COL8A2: variants seen among roughly 807,000 people sequenced by gnomAD.
COL8A2 encodes collagen alpha-2(VIII) chain.
COL8A2 carries 16 observed loss-of-function variants against 24.0 expected under a neutral mutation model. That is an observed-to-expected ratio of 0.67 (90% CI 0.45 to 1.01). The LOEUF (loss-of-function observed/expected upper bound fraction) is 1.01, where lower values mean the gene tolerates loss of function less well. Ranked by LOEUF, COL8A2 falls within the 50% of genes least tolerant of loss-of-function variation. The probability of loss-of-function intolerance (pLI) is 0.00; values close to 1 mark genes in which losing one functional copy is unlikely to be tolerated. For synonymous variants in COL8A2, 466 were observed against 424.5 expected (o/e 1.10, Z -1.20); for missense variants, 818 against 942.4 (o/e 0.87, Z 1.73).
intron 2 of COL8A2, among the ~76,000 whole-genome samples, chr1:36,105,913 C>T (rs886169467): frequency 2.0e-5 from 3 of 149,068 alleles, no homozygotes; most frequent in Non-Finnish European, 4.4e-5. Flanking sequence ...TGTGCCACTG[C>T]ACTCCAGCCT....
At chr1:36,101,095 T>C (rs1013678682) in intron 2 of COL8A2, among the ~76,000 whole-genome samples, 1 of 152,076 alleles carries the variant, frequency 6.6e-6, no homozygotes, top group African/African-American at 2.4e-5. Context: ...AGTTTCGCCA[T>C]GTTGGCCAGG....
chr1:36,117,060 C>T lies in COL8A2; in HGVS notation c.-61-1308G>A, dbSNP rs370347121. ...CCAGCCCACCTGGCAGGGAGGCCTG[C>T]AGGCCGCGTCACTCTCTCCCCCAGC... On this transcript the variant is annotated intron_variant, in intron 1 of 3. Coordinates refer to ENST00000397799, the MANE Select transcript of COL8A2 (RefSeq NM_005202.4). Among the ~76,000 whole-genome samples the T allele has an allele frequency of 1.1e-4, 16 of 152,368 alleles. No individual in the cohort carries two copies. In the East Asian group the frequency reaches 1.5e-3, roughly 15 times the overall value.
chr1:36,117,788 G>C (rs1430553355), intron 1 of COL8A2, among the ~76,000 whole-genome samples: 1 of 151,800 alleles, frequency 6.6e-6, no homozygotes, highest in African/African-American at 2.4e-5. Context: ...ACTTTGGGAG[G>C]CCAAGGCAGG....
At chr1:36,116,727 G>T (rs898373464) in intron 1 of COL8A2, among the ~76,000 whole-genome samples, 14 of 152,224 alleles carry the variant, frequency 9.2e-5, no homozygotes, top group Admixed American at 3.9e-4. Flanking sequence ...AGGAATTTCA[G>T]GTAGTAATAT....
chr1:36,113,262 T>A lies in COL8A2; in HGVS notation c.-17+2446A>T, dbSNP rs536720048. Among the ~76,000 whole-genome samples, 4 of 152,288 alleles carry A rather than the reference T, an allele frequency of 2.6e-5. No homozygotes were observed. In the East Asian group the frequency reaches 7.7e-4, roughly 29 times the overall value. On this transcript the variant is annotated intron_variant, in intron 2 of 3. Transcript: ENST00000397799. ...CTTTGCCTCCTGTGTGTCTCTGACA[T>A]CTCTGTCTCTGTGCGTCTCTCTCAT...
chr1:36,109,688 A>C (rs1643811862), intron 2 of COL8A2, among the ~76,000 whole-genome samples: 1 of 149,768 alleles, frequency 6.7e-6, no homozygotes, highest in Non-Finnish European at 1.5e-5. Context: ...TCCTGCCTCA[A>C]CCTCCTGAAT....
In COL8A2 at chr1:36,123,771, G is replaced by A. The variant is rs1324993311; in HGVS notation, c.-62+1286C>T. 6.6e-6 allele frequency among the ~76,000 whole-genome samples: 1 copy of A among 152,148 alleles called. No individual in the cohort carries two copies. The highest frequency in any genetic ancestry group is 2.4e-5 in the African/African-American group (1 of 41,424). Reference sequence around the variant, plus strand: ...AGGGTGCAAGGCTGTGTGTGGCTGGGTGAGCATGTCTGTGGTTTCTCCTCA... The same window carrying A: ...AGGGTGCAAGGCTGTGTGTGGCTGGATGAGCATGTCTGTGGTTTCTCCTCA... On this transcript the variant is annotated intron_variant, in intron 1 of 3. Transcript: ENST00000397799. This position sits in a 1 kb window ranked among gnomAD's most constrained non-coding sequence, Gnocchi z 4.1.
Position 36,099,253 on chromosome 1 carries a change from C to CG in COL8A2, c.427dup (p.Arg143ProfsTer59). 1 of 1,548,668 alleles carries CG rather than the reference C, an allele frequency of 6.5e-7. No individual in the cohort carries two copies. The highest frequency in any genetic ancestry group is 8.7e-7 in the Non-Finnish European group (1 of 1,146,474). ...GTCCCCTCGTATTCCTGGCTCCCCC[C>CG]GAAGCCCCGGCTGCCCTGGTGGCCC... On this transcript the variant is annotated frameshift_variant, in exon 4 of 4. Coordinates refer to ENST00000397799, the MANE Select transcript of COL8A2 (RefSeq NM_005202.4). LOFTEE classifies it low-confidence loss of function (END_TRUNC).
Position 36,123,495 on chromosome 1 carries a change from G to A in COL8A2, c.-62+1562C>T, listed in dbSNP as rs1643929144. Among the ~76,000 whole-genome samples, 1 of 152,176 alleles carries A rather than the reference G, an allele frequency of 6.6e-6. No individual in the cohort carries two copies. The highest frequency in any genetic ancestry group is 6.6e-5 in the Admixed American group (1 of 15,266). The stretch of plus-strand genomic sequence containing the variant: ...GAGCGGAAATTCTCATTTTCACTGT[G>A]GTAGACGAAGTGAAACCAGAGAAAG... On this transcript the variant is annotated intron_variant, in intron 1 of 3. Transcript: ENST00000397799. The surrounding 1 kb of genome is among the most constrained non-coding windows in gnomAD (Gnocchi z 4.1).
intron 2 of COL8A2, among the ~76,000 whole-genome samples, chr1:36,112,312 T>G (rs944522959): frequency 6.6e-6 from 1 of 152,148 alleles, no homozygotes; most frequent in African/African-American, 2.4e-5. Context: ...CTATTTTTGT[T>G]TTAAGGGTGA....
intron 1 of COL8A2, among the ~76,000 whole-genome samples, chr1:36,120,022 A>G (rs530791793): frequency 6.6e-6 from 1 of 152,084 alleles, no homozygotes; most frequent in Non-Finnish European, 1.5e-5. Flanking sequence ...CCCTTGCAGG[A>G]CCCACCAGGG....
chr1:36,098,835 G>A lies in COL8A2; in HGVS notation c.846C>T (p.Val282=). 13 of 1,612,132 alleles carry A rather than the reference G, an allele frequency of 8.1e-6. No individual in the cohort carries two copies. Among genetic ancestry groups the A allele is most frequent in the Non-Finnish European group, 1.1e-5 (13 of 1,179,686 alleles). The change falls in exon 4 of 4, where the codon GTC becomes GTT. Residue 282 remains valine, a synonymous_variant. Coordinates refer to ENST00000397799, the MANE Select transcript of COL8A2 (RefSeq NM_005202.4). The part of the protein sequence containing the change: ...KGPPGVDGVG[V]PGAAGLPGPQ... ...GTCCTGGCAACCCTGCTGCCCCTGG[G>A]ACTCCCACACCGTCTACTCCAGGAG...
intron 2 of COL8A2, among the ~76,000 whole-genome samples, chr1:36,101,597 A>C (rs1304342322): frequency 6.6e-6 from 1 of 152,228 alleles, no homozygotes; most frequent in Middle Eastern, 3.2e-3. Flanking sequence ...CTCCTCATCC[A>C]TGAAATGAGA....
intron 1 of COL8A2, among the ~76,000 whole-genome samples, chr1:36,122,323 T>C (rs274129): frequency 0.025 from 3,806 of 152,266 alleles, 177 homozygotes; most frequent in African/African-American, 0.086. Flanking sequence ...ACACAGCACA[T>C]GCTGCCTTAC....
In COL8A2 at chr1:36,109,759, G is replaced by A. The variant is rs955532834; in HGVS notation, c.-17+5949C>T. On this transcript the variant is annotated intron_variant, in intron 2 of 3. Coordinates refer to ENST00000397799, the MANE Select transcript of COL8A2 (RefSeq NM_005202.4). Reference sequence around the variant, plus strand: ...TAATTTTTGTATTTTTAGTAGAGACGGGGTTTCTACTAAACGGGGTTTCTA... The same window carrying A: ...TAATTTTTGTATTTTTAGTAGAGACAGGGTTTCTACTAAACGGGGTTTCTA... Among the ~76,000 whole-genome samples the A allele has an allele frequency of 1.5e-4, 23 of 150,692 alleles. 1 individual carries two copies. The highest frequency in any genetic ancestry group is 3.9e-4 in the East Asian group (2 of 5,092).
rs915817846 is a variant in COL8A2, at chr1:36,096,626, T to G, written c.*943A>C. 2.6e-5 allele frequency: 4 copies of G among 152,220 alleles called. No individual in the cohort carries two copies. Among genetic ancestry groups the G allele is most frequent in the South Asian group, 2.1e-4 (1 of 4,824 alleles). The allele number at this position is 152,220 out of a possible 1,614,324, so 9.4% of individuals were successfully genotyped here. On this transcript the variant is annotated 3_prime_UTR_variant, in exon 4 of 4. Transcript: ENST00000397799. Reference sequence around the variant, plus strand: ...CCTGGCTGGGGTGACAAGGATCCTCTTACAATTTTGTATTGAGAAAACCAG... The same window carrying G: ...CCTGGCTGGGGTGACAAGGATCCTCGTACAATTTTGTATTGAGAAAACCAG...
intron 2 of COL8A2, among the ~76,000 whole-genome samples, chr1:36,102,015 C>T (rs961043606): frequency 9.9e-5 from 15 of 150,884 alleles, no homozygotes; most frequent in South Asian, 6.3e-4. Context: ...CCCATCTCTA[C>T]AAAACAAACA....
intron 1 of COL8A2, among the ~76,000 whole-genome samples, chr1:36,117,597 G>C (rs578255175): frequency 1.6e-4 from 24 of 152,318 alleles, no homozygotes; most frequent in African/African-American, 5.8e-4. Context: ...CGTTCTGGGT[G>C]TTCTCATGAA....
In COL8A2 at chr1:36,099,141, C is replaced by A. The variant is rs1324503642; in HGVS notation, c.540G>T (p.Val180=). The A allele has an allele frequency of 2.0e-6, 3 of 1,502,734 alleles. No homozygotes were observed. Among genetic ancestry groups the A allele is most frequent in the South Asian group, 2.7e-5 (2 of 74,006 alleles). 93.1% of individuals were successfully genotyped at this position (1,502,734 alleles called of 1,614,324 possible). The change falls in exon 4 of 4, where the codon GTG becomes GTT. Residue 180 remains valine (V), a synonymous_variant. Coordinates refer to ENST00000397799, the MANE Select transcript of COL8A2 (RefSeq NM_005202.4). ...CCCCCTGGAATCCTGGGGGCCCTGG[C>A]ACCCCTTGGGCACCTGGTTTTCCAG... The part of the protein sequence containing the change: ...TIPGKPGAQG[V]PGPPGFQGEP...
Sources: gnomAD v4.1 joint callset for allele counts (sites outside exome capture counted in the v4.1 genomes callset) on GRCh38, gnomAD v4.1.1 for gene constraint, Gnocchi (gnomAD v3.1) non-coding constraint, MANE v1.5 for transcripts, NCBI Gene and HGNC (gene_info 2026-07-23, HGNC 2026-07-21) for gene names.